RASEF: variants seen among roughly 807,000 people sequenced by gnomAD.
RASEF encodes the protein RAS and EF-hand domain containing.
A neutral mutation model predicts 90.1 loss-of-function variants in RASEF; 68 were observed. The observed-to-expected ratio is 0.75, with a 90% CI of 0.62 to 0.92. The LOEUF (loss-of-function observed/expected upper bound fraction) is 0.92. Among genes scored for constraint, RASEF ranks in the 40% least tolerant of loss-of-function variants. RASEF has a pLI of 0.00. For missense variants in RASEF, 949 were observed against 937.2 expected, an observed-to-expected ratio of 1.01 and a Z score of -0.16; for synonymous variants, 331 against 345.2, an observed-to-expected ratio of 0.96 and a Z score of 0.46.
chr9:83,094,321 A>G, the RASEF span, among the ~76,000 whole-genome samples: 1 of 146,746 alleles, frequency 6.8e-6, no homozygotes, highest in South Asian at 2.1e-4. Context: ...AAAAAAGCTT[A>G]TAAAAGGTCT....
chr9:83,010,363 T>A (rs1829217795), intron 5 of RASEF, among the ~76,000 whole-genome samples: 1 of 152,050 alleles, frequency 6.6e-6, no homozygotes, highest in Non-Finnish European at 1.5e-5. Flanking sequence ...CCAATAACAG[T>A]TAAAAGAATG....
chr9:83,107,739 T>C, the RASEF span, among the ~76,000 whole-genome samples: 7,575 of 152,296 alleles, frequency 0.05, 247 homozygotes, highest in South Asian at 0.096. Flanking sequence ...AATGTGTGTT[T>C]ATGGTTTAAC....
At chr9:83,029,384 A>T (rs1282240403) in intron 1 of RASEF, among the ~76,000 whole-genome samples, 1 of 147,996 alleles carries the variant, frequency 6.8e-6, no homozygotes, top group Admixed American at 6.7e-5. Flanking sequence ...ACTCTCCCAG[A>T]CTTGCCTTCT....
rs1312414631 is a variant in RASEF, at chr9:83,012,521, C to T, written c.766-10G>A. On this transcript the variant is annotated splice_polypyrimidine_tract_variant and intron_variant, in intron 4 of 16. Coordinates refer to ENST00000376447, the MANE Select transcript of RASEF (RefSeq NM_152573.4). ...TTGATTGTTCTTCGAGCTGAAAGAC[C>T]AAATAAAAGTTGTGTGCTTACAAAC... The T allele has an allele frequency of 6.4e-7, 1 of 1,557,322 alleles. No individual in the cohort carries two copies. Among genetic ancestry groups the T allele is most frequent in the East Asian group, 2.4e-5 (1 of 42,298 alleles).
intron 1 of RASEF, among the ~76,000 whole-genome samples, chr9:83,030,175 G>A (rs1361207285): frequency 6.6e-6 from 1 of 152,106 alleles, no homozygotes; most frequent in Non-Finnish European, 1.5e-5. Flanking sequence ...TGACCAATAT[G>A]GTGAAACCCT....
chr9:83,096,889 T>G, the RASEF span, among the ~76,000 whole-genome samples: 1 of 151,990 alleles, frequency 6.6e-6, no homozygotes, highest in African/African-American at 2.4e-5. Context: ...AGTGTTTGGT[T>G]TTTTGTCCTT....
the RASEF span, among the ~76,000 whole-genome samples, chr9:83,203,886 G>A: frequency 8.5e-5 from 13 of 152,122 alleles, no homozygotes; most frequent in Admixed American, 1.3e-4. Flanking sequence ...CACTCAGAAC[G>A]CAAAACACAT....
the RASEF span, among the ~76,000 whole-genome samples, chr9:83,129,118 C>T: frequency 1.3e-5 from 2 of 152,106 alleles, no homozygotes; most frequent in Admixed American, 6.6e-5. Flanking sequence ...TCAAATAGTG[C>T]CTTTGGGGCC....
At chr9:83,150,106 C>T in the RASEF span, among the ~76,000 whole-genome samples, 3 of 152,322 alleles carry the variant, frequency 2.0e-5, no homozygotes, top group Admixed American at 2.0e-4. Flanking sequence ...AGAAGTTGTG[C>T]AGCACTGTAC....
At chr9:83,049,529 C>CCTT (rs1491413147) in intron 1 of RASEF, among the ~76,000 whole-genome samples, 1 of 99,084 alleles carries the variant, frequency 1.0e-5, no homozygotes, top group East Asian at 3.2e-4. Flanking sequence ...TTCTGCCTTC[C>CCTT]TTTTTTTTTT....
At chr9:83,154,397 A>C in the RASEF span, among the ~76,000 whole-genome samples, 1 of 152,152 alleles carries the variant, frequency 6.6e-6, no homozygotes, top group Non-Finnish European at 1.5e-5. Flanking sequence ...TCTTCCCAGC[A>C]CTGAAAGTAC....
the RASEF span, among the ~76,000 whole-genome samples, chr9:83,170,251 T>C: frequency 6.6e-6 from 1 of 152,026 alleles, no homozygotes; most frequent in Non-Finnish European, 1.5e-5. Flanking sequence ...TAAGGATTTA[T>C]TTCTGGGATT....
the RASEF span, among the ~76,000 whole-genome samples, chr9:83,118,650 A>C: frequency 1.3e-5 from 2 of 152,196 alleles, no homozygotes; most frequent in African/African-American, 4.8e-5. Context: ...GGTCATTTAA[A>C]GTATAGTTTC....
At chr9:83,093,036 C>G in the RASEF span, among the ~76,000 whole-genome samples, 26 of 151,834 alleles carry the variant, frequency 1.7e-4, no homozygotes, top group African/African-American at 6.3e-4. Flanking sequence ...TATAAAGGTT[C>G]TCCAAGGCCC....
At chr9:83,006,897 T>A (rs1587489183) in intron 7 of RASEF, among the ~76,000 whole-genome samples, 1 of 151,792 alleles carries the variant, frequency 6.6e-6, no homozygotes, top group Non-Finnish European at 1.5e-5. Flanking sequence ...ATCGAGACCA[T>A]CCTGGCTAAC....
chr9:83,119,679 C>T, the RASEF span, among the ~76,000 whole-genome samples: 1 of 152,090 alleles, frequency 6.6e-6, no homozygotes, highest in Non-Finnish European at 1.5e-5. Context: ...GCTCTGTGTC[C>T]CCACCCAAAT....
At chr9:83,151,104 T>G in the RASEF span, among the ~76,000 whole-genome samples, 5 of 145,482 alleles carry the variant, frequency 3.4e-5, no homozygotes, top group Non-Finnish European at 6.0e-5. Context: ...TCAAAAGTTG[T>G]TTTTTTTTTT....
At chr9:83,027,277 C>T (rs1285176725) in intron 1 of RASEF, among the ~76,000 whole-genome samples, 2 of 152,190 alleles carry the variant, frequency 1.3e-5, no homozygotes, top group Admixed American at 6.5e-5. Context: ...TGAGAGATTA[C>T]ATCACTGGCC....
the RASEF span, among the ~76,000 whole-genome samples, chr9:83,181,892 C>A: frequency 1.3e-5 from 2 of 152,128 alleles, no homozygotes; most frequent in African/African-American, 4.8e-5. Flanking sequence ...CTTTGGTAAA[C>A]AAAATGAAAA....
Sources: allele counts gnomAD v4.1 joint callset (sites outside exome capture counted in the v4.1 genomes callset), GRCh38; gene constraint gnomAD v4.1.1; transcripts MANE v1.5; gene names NCBI Gene and HGNC (gene_info 2026-07-23, HGNC 2026-07-21).